Variants in SVEP1 observed in about 807,000 individuals in gnomAD.
The protein encoded by SVEP1 is sushi, von Willebrand factor type A, EGF and pentraxin domain containing 1.
A neutral mutation model predicts 367.3 loss-of-function variants in SVEP1; 164 were observed. The ratio of observed to expected loss-of-function variants is 0.45; its 90% CI spans 0.39 to 0.51. SVEP1 has a LOEUF of 0.51. Ranked by LOEUF, SVEP1 falls within the 20% of genes least tolerant of loss-of-function variation. The probability of loss-of-function intolerance (pLI) is 0.00; values close to 1 mark genes in which losing one functional copy is unlikely to be tolerated. For synonymous variants in SVEP1, 1,666 were observed against 1,611.6 expected (o/e 1.03, Z -0.81); for missense variants, 4,117 against 4,425.3 (o/e 0.93, Z 1.98).
intron 3 of SVEP1, among the ~76,000 whole-genome samples, chr9:110,528,985 T>G (rs72750784): frequency 0.029 from 4,433 of 152,104 alleles, 100 homozygotes; most frequent in Non-Finnish European, 0.046. Flanking sequence ...CTAGGTTTAG[T>G]TGTAGAATTT....
intron 42 of SVEP1, 92 bp from the exon 43 acceptor site, chr9:110,386,166 G>C (rs1011884076): frequency 2.2e-6 from 3 of 1,367,820 alleles, no homozygotes; most frequent in Non-Finnish European, 2.9e-6. Flanking sequence ...ATAAGAGATG[G>C]GTTCTCAATA....
chr9:110,404,290 G>T (rs753602475), intron 39 of SVEP1, 37 bp downstream of exon 39: 41 of 1,584,636 alleles, frequency 2.6e-5, no homozygotes, highest in Non-Finnish European at 3.4e-5. Flanking sequence ...ATATGTATAT[G>T]TAGGCATTAC....
chr9:110,527,806 C>T (rs759352373), intron 3 of SVEP1, among the ~76,000 whole-genome samples: 57 of 151,772 alleles, frequency 3.8e-4, no homozygotes, highest in Admixed American at 1.1e-3. Flanking sequence ...ATATATCATA[C>T]ACAATTATAA....
At chr9:110,434,294 T>G in intron 30 of SVEP1, 42 bp downstream of exon 30, 1 of 1,562,454 alleles carries the variant, frequency 6.4e-7, no homozygotes, top group Non-Finnish European at 8.7e-7. Flanking sequence ...TTTTCAATAT[T>G]TTTCAAAAGT....
At chr9:110,386,100 A>G (rs762419071) in intron 42 of SVEP1, 26 bp from the exon 43 acceptor site, 1 of 1,596,650 alleles carries the variant, frequency 6.3e-7, no homozygotes, top group East Asian at 2.3e-5. Context: ...GAAAATGCTT[A>G]CTGATATTTC....
chr9:110,439,716 G>T (rs1402864043), intron 27 of SVEP1, among the ~76,000 whole-genome samples: 23 of 152,008 alleles, frequency 1.5e-4, no homozygotes, highest in Admixed American at 1.5e-3. Context: ...GGTTATTTAA[G>T]CCACTTTGTG....
intron 3 of SVEP1, among the ~76,000 whole-genome samples, chr9:110,517,039 C>A (rs1463718337): frequency 2.6e-5 from 4 of 152,010 alleles, no homozygotes. Flanking sequence ...CAGGAAAAAA[C>A]TGAATAAGAT....
rs1410511963 is a variant in SVEP1 at position 110,377,360 on chromosome 9, C to T, written c.10415G>A (p.Cys3472Tyr). ...GCCCCCATTCTGACATGGAAATCGA[C>T]AGACAGCTGGAAAAGAAGCAGGATG... ...WTSPPICRAV[C>Y]RFPCQNGGIC... The change falls in exon 45 of 48, where the codon TGT (cysteine) becomes TAT (tyrosine). Residue 3472 changes from cysteine to tyrosine, a missense_variant. Cys to Tyr is a radical substitution (Grantham distance 194). This residue lies in a region of SVEP1 where 1,765 missense variants were observed against 1,781.1 expected (regional missense o/e 0.99). Transcript: ENST00000374469. The T allele has an allele frequency of 6.2e-7, 1 of 1,613,486 alleles. No individual in the cohort carries two copies. The highest frequency in any genetic ancestry group is 2.2e-5 in the East Asian group (1 of 44,874).
intron 1 of SVEP1, among the ~76,000 whole-genome samples, chr9:110,555,226 A>G (rs1363460228): frequency 6.6e-6 from 1 of 152,160 alleles, no homozygotes; most frequent in Admixed American, 6.5e-5. Context: ...GTGGGGAAAA[A>G]AAAAAAAAAG....
At chr9:110,461,316 C>T (rs1410634943) in intron 18 of SVEP1, among the ~76,000 whole-genome samples, 1 of 152,062 alleles carries the variant, frequency 6.6e-6, no homozygotes, top group Non-Finnish European at 1.5e-5. Context: ...ATGTCCTTTC[C>T]TTGGATAAAC....
intron 46 of SVEP1, 76 bp downstream of exon 46, chr9:110,375,291 TA>T: frequency 8.3e-7 from 1 of 1,203,872 alleles, no homozygotes; most frequent in Non-Finnish European, 1.2e-6. Context: ...CTTCTGAGTC[TA>T]AGTCACACTC....
At chr9:110,539,701 A>C (rs1830120913) in intron 3 of SVEP1, among the ~76,000 whole-genome samples, 1 of 151,636 alleles carries the variant, frequency 6.6e-6, no homozygotes, top group South Asian at 2.1e-4. Flanking sequence ...TAAATAAGAA[A>C]TGCTTCATGA....
chr9:110,546,900 T>C (rs1031182838), intron 2 of SVEP1, among the ~76,000 whole-genome samples: 4 of 152,012 alleles, frequency 2.6e-5, no homozygotes, highest in African/African-American at 9.7e-5. Context: ...CTTGACAGGG[T>C]GGGTAAGGTT....
At position 110,427,712 on chromosome 9, in the gene SVEP1, C is replaced by G. The variant is rs1310787632; in HGVS notation, c.5854G>C (p.Asp1952His). 6.2e-7 allele frequency: 1 copy of G among 1,613,722 alleles called. No individual in the cohort carries two copies. Among genetic ancestry groups the G allele is most frequent in the South Asian group, 1.1e-5 (1 of 91,034 alleles). The change falls in exon 36 of 48, where the codon GAC becomes CAC. Residue 1952 changes from aspartate to histidine, a missense_variant. By Grantham distance (81) the Asp-to-His change is moderately conservative. Transcript: ENST00000374469. ...IIECTASGIW[D>H]RAPPACHLVF... ...AGGTGACAGGCAGGTGGCGCTCTGT[C>G]CCAGATGCCAGAAGCCGTGCATTCA...
intron 13 of SVEP1, among the ~76,000 whole-genome samples, chr9:110,479,224 T>C (rs956676900): frequency 1.3e-5 from 2 of 152,274 alleles, no homozygotes; most frequent in South Asian, 2.1e-4. Context: ...GGTCTGTTTT[T>C]TTTATAATTG....
chr9:110,432,095 CTG>C, intron 31 of SVEP1, 61 bp from the exon 32 acceptor site: 1 of 1,521,436 alleles, frequency 6.6e-7, no homozygotes, highest in South Asian at 1.3e-5. Flanking sequence ...TATCAAACAT[CTG>C]TTTTTACTTT....
At chr9:110,433,257 A>G (rs1828379442) in intron 30 of SVEP1, among the ~76,000 whole-genome samples, 1 of 151,758 alleles carries the variant, frequency 6.6e-6, no homozygotes, top group South Asian at 2.1e-4. Flanking sequence ...AGCAATGCAA[A>G]ATGGCCTAAC....
chr9:110,372,192 T>C (rs1309083947), intron 46 of SVEP1, among the ~76,000 whole-genome samples: 1 of 152,242 alleles, frequency 6.6e-6, no homozygotes, highest in African/African-American at 2.4e-5. Context: ...TCTCCTCAGA[T>C]TCTATGCTTC....
intron 40 of SVEP1, among the ~76,000 whole-genome samples, chr9:110,398,508 A>C (rs540723394): frequency 2.6e-4 from 40 of 152,354 alleles, no homozygotes; most frequent in African/African-American, 9.1e-4. Flanking sequence ...TAATTAAACT[A>C]AAGAGCTTCT....
Sources: gnomAD v4.1 joint callset for allele counts (sites outside exome capture counted in the v4.1 genomes callset) on GRCh38, gnomAD v4.1.1 for gene constraint, gnomAD v4.1.1 regional missense constraint, MANE v1.5 for transcripts, NCBI Gene and HGNC (gene_info 2026-07-23, HGNC 2026-07-21) for gene names.